Variants in FAM227A observed in about 807,000 individuals in gnomAD.
The protein encoded by FAM227A is family with sequence similarity 227 member A, also known as protein FAM227A.
FAM227A carries 80 observed loss-of-function variants against 74.7 expected under a neutral mutation model. That is an observed-to-expected ratio of 1.07 (90% CI 0.89 to 1.29). The LOEUF (loss-of-function observed/expected upper bound fraction) is 1.29. Ranked by LOEUF, FAM227A falls within the 50% of genes most tolerant of loss-of-function variation. The probability of loss-of-function intolerance (pLI) is 0.00; values close to 1 mark genes in which losing one functional copy is unlikely to be tolerated. For missense variants in FAM227A, 654 were observed against 683.4 expected (o/e 0.96, Z 0.48); for synonymous variants, 237 against 241.8 (o/e 0.98, Z 0.19).
Position 38,599,916 on chromosome 22 carries a change from A to AGGCTTTTG in FAM227A, c.1226_1227insCAAAAGCC (p.Ala410LysfsTer11). 1 of 1,547,042 alleles carries AGGCTTTTG rather than the reference A, an allele frequency of 6.5e-7. No individual in the cohort carries two copies. ...TCAGCTCAGGGCTTTTGCAGGCAGCACACGACTAAGGATGAAAGAAAAAGG... is the reference window on the plus strand; with the variant it reads ...TCAGCTCAGGGCTTTTGCAGGCAGCAGGCTTTTGCACGACTAAGGATGAAAGAAAAAGG... On this transcript the variant is annotated frameshift_variant, in exon 14 of 17. Transcript: ENST00000535113. LOFTEE classifies it high-confidence loss of function.
chr22:38,586,614 C>G (rs1275680815), intron 16 of FAM227A, among the ~76,000 whole-genome samples: 1 of 152,202 alleles, frequency 6.6e-6, no homozygotes, highest in Non-Finnish European at 1.5e-5. Flanking sequence ...GGGATGGAGA[C>G]TAGTCTCACA....
chr22:38,592,219 T>C (rs1252823578), intron 15 of FAM227A, among the ~76,000 whole-genome samples: 1 of 152,126 alleles, frequency 6.6e-6, no homozygotes, highest in East Asian at 1.9e-4. Flanking sequence ...AGTGCTGGGA[T>C]TACAGGCGTG....
chr22:38,594,891 G>T (rs1357623181), intron 15 of FAM227A, among the ~76,000 whole-genome samples: 2 of 152,144 alleles, frequency 1.3e-5, no homozygotes, highest in Non-Finnish European at 2.9e-5. Context: ...GAGGTCAGGG[G>T]ATCGAGACCA....
chr22:38,597,785 T>C (rs1160099257), intron 14 of FAM227A, among the ~76,000 whole-genome samples: 1 of 152,150 alleles, frequency 6.6e-6, no homozygotes, highest in East Asian at 1.9e-4. Flanking sequence ...CCAGGCGCGG[T>C]GTAATCCCAG....
chr22:38,586,258 A>G, intron 16 of FAM227A, 59 bp from the exon 17 acceptor site: 1 of 1,533,310 alleles, frequency 6.5e-7, no homozygotes, highest in Non-Finnish European at 8.8e-7. Flanking sequence ...AATTTCTTCA[A>G]AGACTTTGCA....
At position 38,616,317 on chromosome 22, in the gene FAM227A, G is replaced by A. The variant is rs530953045; in HGVS notation, c.1038+3895C>T. Reference sequence around the variant, plus strand: ...CAAGAGCAGCTGCAGTGGCTGCCGGGGGCAGGAACCTGACAGGAGTAGCCA... The same window carrying A: ...CAAGAGCAGCTGCAGTGGCTGCCGGAGGCAGGAACCTGACAGGAGTAGCCA... On this transcript the variant is annotated intron_variant, in intron 11 of 16. Transcript: ENST00000535113. 5.3e-5 allele frequency among the ~76,000 whole-genome samples: 8 copies of A among 152,290 alleles called. No homozygotes were observed. The South Asian group carries it at 6.2e-4, about 12-fold the overall frequency.
At chr22:38,591,604 T>TTCATTTCCCTGGGAGGAAAACATTGA in intron 15 of FAM227A, 64 bp from the exon 16 acceptor site, 1 of 1,165,816 alleles carries the variant, frequency 8.6e-7, no homozygotes, top group Non-Finnish European at 1.2e-6. Context: ...CTCAATGTTC[T>TTCATTTCCCTGGGAGGAAAACATTGA]GTATGTCCTA....
intron 3 of FAM227A, among the ~76,000 whole-genome samples, chr22:38,642,595 TAGG>T (rs1408080101): frequency 2.0e-5 from 3 of 152,182 alleles, no homozygotes; most frequent in African/African-American, 7.2e-5. Context: ...AGTCACATAT[TAGG>T]AGAAAATATT....
chr22:38,610,091 A>G (rs995570428), intron 11 of FAM227A, among the ~76,000 whole-genome samples: 7 of 149,010 alleles, frequency 4.7e-5, no homozygotes, highest in Non-Finnish European at 8.9e-5. Context: ...TTTGTTTTTA[A>G]GAGACAGTGT....
At chr22:38,603,617 G>A (rs961457039) in intron 13 of FAM227A, among the ~76,000 whole-genome samples, 8 of 152,120 alleles carry the variant, frequency 5.3e-5, no homozygotes, top group African/African-American at 1.9e-4. Context: ...TTCTGTGAGT[G>A]GTTTTTGTAA....
At chr22:38,614,475 G>T (rs1022825257) in intron 11 of FAM227A, among the ~76,000 whole-genome samples, 1 of 152,162 alleles carries the variant, frequency 6.6e-6, no homozygotes, top group Non-Finnish European at 1.5e-5. Flanking sequence ...GGAGACCAGA[G>T]ATGGAAAGTA....
chr22:38,601,845 TG>T (rs1489221467), intron 13 of FAM227A, among the ~76,000 whole-genome samples: 1 of 151,976 alleles, frequency 6.6e-6, no homozygotes, highest in African/African-American at 2.4e-5. Context: ...TGGGACAATC[TG>T]GGGAGGAACA....
intron 15 of FAM227A, among the ~76,000 whole-genome samples, chr22:38,593,491 C>G (rs903520684): frequency 1.3e-5 from 2 of 152,102 alleles, no homozygotes; most frequent in African/African-American, 2.4e-5. Context: ...GGCGACAGAG[C>G]AAGACTCCGT....
At chr22:38,637,285 ATAATT>A (rs553443353) in intron 5 of FAM227A, among the ~76,000 whole-genome samples, 181 of 152,312 alleles carry the variant, frequency 1.2e-3, no homozygotes, top group South Asian at 2.1e-3. Context: ...AAGACGTGCT[ATAATT>A]TAATTAACTA....
In FAM227A at chr22:38,607,304, T is replaced by C. The variant is rs140715183; in HGVS notation, c.1126+85A>G. 2,773 of 982,910 alleles carry C rather than the reference T, an allele frequency of 2.8e-3. 6 individuals are homozygous for C. Among genetic ancestry groups the C allele is most frequent in the Non-Finnish European group, 3.6e-3 (2,344 of 648,404 alleles). The allele number at this position is 982,910 out of a possible 1,614,324, so 60.9% of individuals were successfully genotyped here. A position where few individuals can be genotyped will look rare whatever the true frequency, so the allele number is the denominator to read the frequency against. ...AAGTATAAAGTAGGTCAGCAAATTC[T>C]GTTCATACGAACCCAAGAAACCAGG... On this transcript the variant is annotated intron_variant, in intron 12 of 16. Coordinates refer to ENST00000535113, the MANE Select transcript of FAM227A (RefSeq NM_001013647.2).
intron 11 of FAM227A, among the ~76,000 whole-genome samples, chr22:38,619,715 A>C (rs2091646916): frequency 6.6e-6 from 1 of 152,164 alleles, no homozygotes; most frequent in Non-Finnish European, 1.5e-5. Context: ...AGATGGCCCT[A>C]GAAGTATCTG....
intron 3 of FAM227A, among the ~76,000 whole-genome samples, chr22:38,642,699 G>A (rs934696111): frequency 2.0e-5 from 3 of 152,156 alleles, no homozygotes; most frequent in Admixed American, 2.0e-4. Flanking sequence ...ACTTTGGGAG[G>A]CCAAGGTGAG....
At chr22:38,625,821 G>C (rs1193274940) in intron 9 of FAM227A, among the ~76,000 whole-genome samples, 1 of 128,104 alleles carries the variant, frequency 7.8e-6, no homozygotes, top group Non-Finnish European at 1.7e-5. Flanking sequence ...GTACATGCCT[G>C]TAATCCCAGT....
chr22:38,619,520 C>A (rs2091643150), intron 11 of FAM227A, among the ~76,000 whole-genome samples: 1 of 152,128 alleles, frequency 6.6e-6, no homozygotes, highest in Non-Finnish European at 1.5e-5. Context: ...GACGAGGTTT[C>A]ACCATGTGGA....
Sources: allele counts gnomAD v4.1 joint callset (sites outside exome capture counted in the v4.1 genomes callset), GRCh38; gene constraint gnomAD v4.1.1; transcripts MANE v1.5; gene names NCBI Gene and HGNC (gene_info 2026-07-23, HGNC 2026-07-21).